The following ABHD2 variants were observed in gnomAD, a reference collection of about 807,000 sequenced individuals.
The protein encoded by ABHD2 is abhydrolase domain containing 2, acylglycerol lipase, also known as monoacylglycerol lipase ABHD2.
In ABHD2, 20 loss-of-function variants were observed where a neutral mutation model predicts 48.1. The ratio of observed to expected loss-of-function variants is 0.42; its 90% confidence interval spans 0.29 to 0.60. The LOEUF is 0.60. Ranked by LOEUF, ABHD2 falls within the 20% of genes least tolerant of loss-of-function variation. ABHD2 has a pLI of 0.24. For synonymous variants in ABHD2, 209 were observed against 214.2 expected (o/e 0.98, Z 0.21); for missense variants, 405 against 550.9 (o/e 0.74, Z 2.65).
chr15:89,155,326 C>T lies in ABHD2; in HGVS notation c.371-41C>T, dbSNP rs755775009. On this transcript the variant is annotated intron_variant, in intron 4 of 10. Transcript: ENST00000352732. This position sits in a 1 kb window ranked among gnomAD's most constrained non-coding sequence, Gnocchi z 4.9. Reference sequence around the variant, plus strand: ...GTAATTATGTCCATTTATCATGTCACATTTCTTGGATACATCAGGATCTCT... The same window carrying T: ...GTAATTATGTCCATTTATCATGTCATATTTCTTGGATACATCAGGATCTCT... 6.3e-7 allele frequency: 1 copy of T among 1,585,080 alleles called. No individual in the cohort carries two copies. Among genetic ancestry groups the T allele is most frequent in the Non-Finnish European group, 8.6e-7 (1 of 1,157,792 alleles).
chr15:89,201,921 A>G lies in ABHD2; in HGVS notation c.*6498A>G, dbSNP rs965364474. The G allele has an allele frequency of 1.2e-5, 7 of 561,324 alleles. No homozygotes were observed. Among genetic ancestry groups the G allele is most frequent in the African/African-American group, 1.1e-4 (6 of 52,292 alleles). 34.8% of individuals were successfully genotyped at this position (561,324 alleles called of 1,614,324 possible). A position where few individuals can be genotyped will look rare whatever the true frequency, so the allele number is the denominator to read the frequency against. On this transcript the variant is annotated 3_prime_UTR_variant, in exon 11 of 11. Transcript: ENST00000352732. ...TCCTGGTTAGACTCTGTTCAACCAC[A>G]TTCTTATGTTGGCAGATCTGCTTCC...
chr15:89,201,143 AGACTGGT>A lies in ABHD2; in HGVS notation c.*5724_*5730del. ...AATTACAACAAGAAGTGAAGGAAGA[AGACTGGT>A]GACATCTCTGAAGGATGCAGTTGAG... On this transcript the variant is annotated 3_prime_UTR_variant, in exon 11 of 11. Coordinates refer to ENST00000352732, the MANE Select transcript of ABHD2 (RefSeq NM_152924.5). 3 of 1,264,524 alleles carry A rather than the reference AGACTGGT, an allele frequency of 2.4e-6. No individual in the cohort carries two copies. The South Asian group carries it at 3.6e-5, about 15-fold the overall frequency. 78.3% of individuals were successfully genotyped at this position (1,264,524 alleles called of 1,614,324 possible).
chr15:89,149,856 G>C (rs2050562684), intron 3 of ABHD2, among the ~76,000 whole-genome samples: 1 of 152,238 alleles, frequency 6.6e-6, no homozygotes, highest in Non-Finnish European at 1.5e-5. Context: ...GACCCATGCA[G>C]TGGAGGGTGG....
chr15:89,143,192 T>C (rs751438254), intron 3 of ABHD2, among the ~76,000 whole-genome samples: 2 of 152,324 alleles, frequency 1.3e-5, no homozygotes, highest in Admixed American at 6.5e-5. Context: ...AGTTCAATTT[T>C]ACAGGTCTAA....
chr15:89,146,464 T>A lies in ABHD2; in HGVS notation c.195-5213T>A, dbSNP rs141350300. 3.3e-4 allele frequency among the ~76,000 whole-genome samples: 50 copies of A among 151,962 alleles called. No individual in the cohort carries two copies. Among genetic ancestry groups the A allele is most frequent in the African/African-American group, 1.2e-3 (48 of 41,424 alleles). ...TGTGGTCTTTCCCACTGACCAATTC[T>A]CTTAGTAAGCCAGATGTCGATTATA... On this transcript the variant is annotated intron_variant, in intron 3 of 10. Coordinates refer to ENST00000352732, the MANE Select transcript of ABHD2 (RefSeq NM_152924.5). This position sits in a 1 kb window ranked among gnomAD's most constrained non-coding sequence, Gnocchi z 4.2.
intron 5 of ABHD2, among the ~76,000 whole-genome samples, chr15:89,157,934 T>C (rs936741118): frequency 6.6e-6 from 1 of 151,994 alleles, no homozygotes; most frequent in African/African-American, 2.4e-5. Flanking sequence ...GGAGACAGAA[T>C]TGGACCCAAA....
chr15:89,043,768 A>T, the ABHD2 span, among the ~76,000 whole-genome samples: 1 of 151,746 alleles, frequency 6.6e-6, no homozygotes, highest in Non-Finnish European at 1.5e-5. Context: ...AAGAAGAAGG[A>T]GGAGGAGGAG....
In ABHD2 at chr15:89,176,810, T is replaced by G. The variant is rs2051021554; in HGVS notation, c.722+815T>G. On this transcript the variant is annotated intron_variant, in intron 6 of 10. Coordinates refer to ENST00000352732, the MANE Select transcript of ABHD2 (RefSeq NM_152924.5). The surrounding 1 kb of genome is among the most constrained non-coding windows in gnomAD (Gnocchi z 4.5). ...GTTATTAAAAATCTGATGAAAAAATTTGAAACACACGGGAAAGTTTAAAAA... is the reference window on the plus strand; with the variant it reads ...GTTATTAAAAATCTGATGAAAAAATGTGAAACACACGGGAAAGTTTAAAAA... Among the ~76,000 whole-genome samples, 1 of 152,176 alleles carries G rather than the reference T, an allele frequency of 6.6e-6. No homozygotes were observed. Among genetic ancestry groups the G allele is most frequent in the South Asian group, 2.1e-4 (1 of 4,826 alleles).
At position 89,185,865 on chromosome 15, in the gene ABHD2, G is replaced by A. The variant is rs2051199072; in HGVS notation, c.815+349G>A. The stretch of plus-strand genomic sequence containing the variant: ...CGCTGTAATCCCAGCTACTTGGGAG[G>A]CTGAGGCAGGAGAGTCGCTTGAACC... On this transcript the variant is annotated intron_variant, in intron 7 of 10. Transcript: ENST00000352732. This position sits in a 1 kb window ranked among gnomAD's most constrained non-coding sequence, Gnocchi z 5.9. 6.6e-6 allele frequency among the ~76,000 whole-genome samples: 1 copy of A among 152,172 alleles called. No individual in the cohort carries two copies. Among genetic ancestry groups the A allele is most frequent in the Non-Finnish European group, 1.5e-5 (1 of 68,030 alleles).
chr15:89,164,736 C>T lies in ABHD2; in HGVS notation c.538+9202C>T, dbSNP rs1402753178. On this transcript the variant is annotated intron_variant, in intron 5 of 10. Transcript: ENST00000352732. This position sits in a 1 kb window ranked among gnomAD's most constrained non-coding sequence, Gnocchi z 5.0. ...GGAGTGCAGTGAGCCAAGATTACGC[C>T]ACTGCACTCCAGCCTAGACGACAGA... Among the ~76,000 whole-genome samples, 1 of 151,420 alleles carries T rather than the reference C, an allele frequency of 6.6e-6. No homozygotes were observed. Among genetic ancestry groups the T allele is most frequent in the Non-Finnish European group, 1.5e-5 (1 of 67,904 alleles).
At chr15:89,111,372 C>T (rs892817809) in intron 1 of ABHD2, among the ~76,000 whole-genome samples, 1 of 152,200 alleles carries the variant, frequency 6.6e-6, no homozygotes, top group Non-Finnish European at 1.5e-5. Context: ...GTAAAACAGT[C>T]TAGAAGTCAC....
intron 5 of ABHD2, among the ~76,000 whole-genome samples, chr15:89,157,633 G>A (rs2050695349): frequency 6.6e-6 from 1 of 152,134 alleles, no homozygotes; most frequent in Non-Finnish European, 1.5e-5. Context: ...CACGAGGTCA[G>A]GAGATGGAGA....
chr15:89,116,151 A>C lies in ABHD2; in HGVS notation c.-6-171A>C, dbSNP rs2049956568. Among the ~76,000 whole-genome samples, 1 of 152,222 alleles carries C rather than the reference A, an allele frequency of 6.6e-6. No individual in the cohort carries two copies. Among genetic ancestry groups the C allele is most frequent in the African/African-American group, 2.4e-5 (1 of 41,450 alleles). On this transcript the variant is annotated intron_variant, in intron 2 of 10. Coordinates refer to ENST00000352732, the MANE Select transcript of ABHD2 (RefSeq NM_152924.5). This position sits in a 1 kb window ranked among gnomAD's most constrained non-coding sequence, Gnocchi z 4.6. ...TGATTTGGATTATGGCCAGTTGATTAGTAGCTGTAAGATGCTGGTGGTGTC... is the reference window on the plus strand; with the variant it reads ...TGATTTGGATTATGGCCAGTTGATTCGTAGCTGTAAGATGCTGGTGGTGTC...
Position 89,184,589 on chromosome 15 carries a change from G to GT in ABHD2, c.723-832dup. ...GGCTGGTGGGAGTGAGCCCACTGGTGTTTGTTCACCTGCTGTGTGGTCATG... is the reference window on the plus strand; with the variant it reads ...GGCTGGTGGGAGTGAGCCCACTGGTGTTTTGTTCACCTGCTGTGTGGTCATG... On this transcript the variant is annotated intron_variant, in intron 6 of 10. Coordinates refer to ENST00000352732, the MANE Select transcript of ABHD2 (RefSeq NM_152924.5). This position sits in a 1 kb window ranked among gnomAD's most constrained non-coding sequence, Gnocchi z 5.1. Among the ~76,000 whole-genome samples, 1 of 152,332 alleles carries GT rather than the reference G, an allele frequency of 6.6e-6. No homozygotes were observed. Among genetic ancestry groups the GT allele is most frequent in the South Asian group, 2.1e-4 (1 of 4,828 alleles).
rs2050876596 is a variant in ABHD2, at chr15:89,168,880, C to T, written c.539-6932C>T. Reference sequence around the variant, plus strand: ...CCTCTTGAGCTCAGAAGTTCGAGACCAGCCTGGGCAACATAGTGGAACCTC... The same window carrying T: ...CCTCTTGAGCTCAGAAGTTCGAGACTAGCCTGGGCAACATAGTGGAACCTC... On this transcript the variant is annotated intron_variant, in intron 5 of 10. Coordinates refer to ENST00000352732, the MANE Select transcript of ABHD2 (RefSeq NM_152924.5). This position sits in a 1 kb window ranked among gnomAD's most constrained non-coding sequence, Gnocchi z 4.8. 6.6e-6 allele frequency among the ~76,000 whole-genome samples: 1 copy of T among 152,064 alleles called. No individual in the cohort carries two copies. The highest frequency in any genetic ancestry group is 6.5e-5 in the Admixed American group (1 of 15,270).
At position 89,092,261 on chromosome 15, in the gene ABHD2, A is replaced by G. The variant is rs1408911614; in HGVS notation, c.-107+3698A>G. On this transcript the variant is annotated intron_variant, in intron 1 of 10. Transcript: ENST00000352732. This position sits in a 1 kb window ranked among gnomAD's most constrained non-coding sequence, Gnocchi z 4.4. Reference sequence around the variant, plus strand: ...TCTGATCTTTCACAATAAATAGCAGACAGGTGAAGAGCTTTTTAGAGAAGT... The same window carrying G: ...TCTGATCTTTCACAATAAATAGCAGGCAGGTGAAGAGCTTTTTAGAGAAGT... Among the ~76,000 whole-genome samples, 5 of 152,170 alleles carry G rather than the reference A, an allele frequency of 3.3e-5. No homozygotes were observed. Among genetic ancestry groups the G allele is most frequent in the Admixed American group, 3.3e-4 (5 of 15,276 alleles).
In ABHD2 at chr15:89,176,143, TC is replaced by T. The variant is rs1167800220; in HGVS notation, c.722+149del. 2 of 855,740 alleles carry T rather than the reference TC, an allele frequency of 2.3e-6. No homozygotes were observed. Among genetic ancestry groups the T allele is most frequent in the African/African-American group, 3.4e-5 (2 of 58,126 alleles). The allele number at this position is 855,740 out of a possible 1,614,324, so 53.0% of individuals were successfully genotyped here. A position where few individuals can be genotyped will look rare whatever the true frequency, so the allele number is the denominator to read the frequency against. On this transcript the variant is annotated intron_variant, in intron 6 of 10. Coordinates refer to ENST00000352732, the MANE Select transcript of ABHD2 (RefSeq NM_152924.5). This position sits in a 1 kb window ranked among gnomAD's most constrained non-coding sequence, Gnocchi z 4.5. ...TGAGTCTTGGACTCACCTTGTTTTG[TC>T]TGCATATCATACATTGGAGATGCCC... is the stretch of plus-strand genomic sequence containing the variant.
rs369581686 is a variant in ABHD2, at chr15:89,155,555, T to C, written c.538+21T>C. On this transcript the variant is annotated intron_variant, in intron 5 of 10. Transcript: ENST00000352732. This position sits in a 1 kb window ranked among gnomAD's most constrained non-coding sequence, Gnocchi z 4.9. ...CTATGGTAAGCATGGCTAAGTGGAG[T>C]CCTCCCTTTTTCTGCAAGTGTGCTA... 1.2e-4 allele frequency: 194 copies of C among 1,593,838 alleles called. No homozygotes were observed. The African/African-American group carries it at 2.4e-3, about 19-fold the overall frequency.
the ABHD2 span, among the ~76,000 whole-genome samples, chr15:89,050,076 C>A: frequency 6.6e-6 from 1 of 152,132 alleles, no homozygotes; most frequent in African/African-American, 2.4e-5. Flanking sequence ...GAAAGAATTT[C>A]ATAGAGAAGA....
Sources: allele counts gnomAD v4.1 joint callset (sites outside exome capture counted in the v4.1 genomes callset), GRCh38; gene constraint gnomAD v4.1.1; non-coding constraint Gnocchi (gnomAD v3.1); transcripts MANE v1.5; gene names NCBI Gene and HGNC (gene_info 2026-07-23, HGNC 2026-07-21).